NRXN1: variants seen among roughly 807,000 people sequenced by gnomAD.
NRXN1 encodes neurexin-1.
In NRXN1, 39 loss-of-function variants were observed where a neutral mutation model predicts 150.9. The ratio of observed to expected loss-of-function variants is 0.26; its 90% confidence interval spans 0.20 to 0.34. NRXN1 has a LOEUF of 0.34. NRXN1 is among the 10% of genes least tolerant of loss of function. The probability of loss-of-function intolerance (pLI) is 1.00; values close to 1 mark genes in which losing one functional copy is unlikely to be tolerated. For missense variants in NRXN1, 1,815 were observed against 1,949.9 expected (o/e 0.93, Z 1.30); for synonymous variants, 924 against 757.0 (o/e 1.22, Z -3.62).
intron 21 of NRXN1, chr2:49,970,252 A>G (rs183504529): frequency 3.0e-4 from 45 of 152,240 alleles, no homozygotes; most frequent in Non-Finnish European, 4.4e-4. Context: ...ACTGAAAAAA[A>G]TTATCATTGA....
chr2:50,689,648 A>T (rs1691763920), intron 5 of NRXN1, among the ~76,000 whole-genome samples: 1 of 152,198 alleles, frequency 6.6e-6, no homozygotes, highest in African/African-American at 2.4e-5. Flanking sequence ...AGCTTTAGGT[A>T]GCAAAAGAGG....
intron 8 of NRXN1, among the ~76,000 whole-genome samples, chr2:50,606,606 C>CAATAATAAT (rs3053107): frequency 0.044 from 6,426 of 146,894 alleles, 304 homozygotes; most frequent in African/African-American, 0.11. Context: ...GCTGCTCATA[C>CAATAATAAT]AATAATAATA....
chr2:50,490,838 G>T (rs948426760), intron 15 of NRXN1, among the ~76,000 whole-genome samples: 1 of 152,100 alleles, frequency 6.6e-6, no homozygotes. Flanking sequence ...ACTCTGTGAG[G>T]CCTCATTGCT....
At chr2:50,580,826 T>A (rs960248399) in intron 8 of NRXN1, among the ~76,000 whole-genome samples, 5 of 152,154 alleles carry the variant, frequency 3.3e-5, no homozygotes, top group African/African-American at 9.7e-5. Flanking sequence ...TCACAGCTAC[T>A]ATACCGTCTA....
At chr2:50,725,875 A>ATT (rs1697299770) in intron 5 of NRXN1, among the ~76,000 whole-genome samples, 1 of 152,182 alleles carries the variant, frequency 6.6e-6, no homozygotes, top group Non-Finnish European at 1.5e-5. Flanking sequence ...TTGTAAAAAT[A>ATT]AACTTTGAAT....
At chr2:50,407,652 T>C (rs548027495) in intron 17 of NRXN1, among the ~76,000 whole-genome samples, 57 of 151,776 alleles carry the variant, frequency 3.8e-4, no homozygotes, top group Admixed American at 3.7e-3. Context: ...GGTAGCTGTA[T>C]AAAAAGAGGA....
At chr2:50,672,664 T>C (rs1689024935) in intron 5 of NRXN1, among the ~76,000 whole-genome samples, 1 of 152,026 alleles carries the variant, frequency 6.6e-6, no homozygotes, top group Admixed American at 6.6e-5. Context: ...AAAAAGAGGC[T>C]AAATGAAGAC....
chr2:50,941,714 T>C (rs1689476853), intron 2 of NRXN1, among the ~76,000 whole-genome samples: 1 of 152,154 alleles, frequency 6.6e-6, no homozygotes, highest in South Asian at 2.1e-4. Flanking sequence ...TACAGTCACA[T>C]ACGTTCACAA....
rs184364124 is a variant in NRXN1 at position 50,839,124 on chromosome 2, A to G, written c.832+82745T>C. ...TTCATCAAGTTAATTCCTTTAAGCT[A>G]TTTTATTTAGTGACTTCTGTTTAAA... On this transcript the variant is annotated intron_variant, in intron 5 of 22. Coordinates refer to ENST00000401669, the MANE Select transcript of NRXN1 (RefSeq NM_001330078.2). Among the ~76,000 whole-genome samples the G allele has an allele frequency of 1.4e-3, 207 of 152,248 alleles. 1 individual carries two copies. Among genetic ancestry groups the G allele is most frequent in the African/African-American group, 4.4e-3 (182 of 41,574 alleles).
At chr2:51,018,877 T>C (rs1176710207) in intron 2 of NRXN1, among the ~76,000 whole-genome samples, 1 of 152,114 alleles carries the variant, frequency 6.6e-6, no homozygotes, top group South Asian at 2.1e-4. Context: ...CTGCTGGTTA[T>C]GATAGAGTAG....
At chr2:50,389,145 C>A (rs2081519497) in intron 17 of NRXN1, among the ~76,000 whole-genome samples, 8 of 151,624 alleles carry the variant, frequency 5.3e-5, no homozygotes, top group Admixed American at 5.3e-4. Flanking sequence ...TTGCTAGACA[C>A]AGAGCGAGGC....
At chr2:50,882,291 T>C (rs144834461) in intron 5 of NRXN1, among the ~76,000 whole-genome samples, 1 of 152,034 alleles carries the variant, frequency 6.6e-6, no homozygotes, top group East Asian at 1.9e-4. Flanking sequence ...AAACCATCGT[T>C]ACATTTGTTT....
chr2:50,264,704 A>T (rs1242018531), intron 17 of NRXN1, among the ~76,000 whole-genome samples: 2 of 152,148 alleles, frequency 1.3e-5, no homozygotes, highest in African/African-American at 4.8e-5. Flanking sequence ...ACACAGTTAT[A>T]TGTCAATTTT....
At chr2:50,696,303 G>A (rs1018431891) in intron 5 of NRXN1, 1 of 152,344 alleles carries the variant, frequency 6.6e-6, no homozygotes, top group Non-Finnish European at 1.5e-5. Context: ...GAAAAAATGA[G>A]AATTTGAAAT....
intron 19 of NRXN1, among the ~76,000 whole-genome samples, chr2:50,060,528 A>G (rs891044136): frequency 1.3e-5 from 2 of 152,084 alleles, no homozygotes; most frequent in South Asian, 2.1e-4. Flanking sequence ...GGCATAATTG[A>G]TTTTGAAATG....
At chr2:50,154,799 A>G (rs1370490014) in intron 18 of NRXN1, among the ~76,000 whole-genome samples, 3 of 151,686 alleles carry the variant, frequency 2.0e-5, no homozygotes, top group Non-Finnish European at 3.0e-5. Context: ...AATAAAGACC[A>G]AGGAGGATTT....
intron 5 of NRXN1, among the ~76,000 whole-genome samples, chr2:50,888,113 C>G (rs573624406): frequency 6.6e-6 from 1 of 151,592 alleles, no homozygotes; most frequent in East Asian, 1.9e-4. Flanking sequence ...TCACAGCTGA[C>G]TGGAAGAAAT....
chr2:50,688,424 C>G (rs1691574519), intron 5 of NRXN1, among the ~76,000 whole-genome samples: 1 of 152,142 alleles, frequency 6.6e-6, no homozygotes. Flanking sequence ...TTATTGCATA[C>G]TCACTCTTTT....
chr2:50,305,113 G>T (rs922203639), intron 17 of NRXN1, among the ~76,000 whole-genome samples: 1 of 152,016 alleles, frequency 6.6e-6, no homozygotes, highest in Non-Finnish European at 1.5e-5. Context: ...GGGCGGAAAA[G>T]GTACTCACTA....
Sources: gnomAD v4.1 joint callset for allele counts (sites outside exome capture counted in the v4.1 genomes callset) on GRCh38, gnomAD v4.1.1 for gene constraint, MANE v1.5 for transcripts, NCBI Gene and HGNC (gene_info 2026-07-23, HGNC 2026-07-21) for gene names.